The following RHD variants were observed in gnomAD, a reference collection of about 807,000 sequenced individuals.
The protein encoded by RHD is Rh blood group D antigen.
Under a neutral mutation model 45.5 loss-of-function variants are expected in RHD, and 16 were observed. The ratio of observed to expected loss-of-function variants is 0.35; its 90% confidence interval spans 0.24 to 0.53. The LOEUF is 0.53. Among genes scored for constraint, RHD ranks in the 20% least tolerant of loss-of-function variants. The pLI is 0.92. For missense variants in RHD, 306 were observed against 532.0 expected, an observed-to-expected ratio of 0.58 and a Z score of 4.18; for synonymous variants, 131 against 217.5, an observed-to-expected ratio of 0.60 and a Z score of 3.50.
In RHD at chr1:25,301,948, T is replaced by C. The variant is rs1389917672; in HGVS notation, c.801+262T>C. ...ATGCTAACATGAAACAGACCTCAGTTTGAACCCCATTTCTGCTAGTTGCTA... is the reference window on the plus strand; with the variant it reads ...ATGCTAACATGAAACAGACCTCAGTCTGAACCCCATTTCTGCTAGTTGCTA... On this transcript the variant is annotated intron_variant, in intron 5 of 9. Transcript: ENST00000328664. Among the ~76,000 whole-genome samples the C allele has an allele frequency of 2.3e-5, 3 of 130,374 alleles. 1 individual carries two copies. The highest frequency in any genetic ancestry group is 5.5e-5 in the Non-Finnish European group (3 of 54,854). The allele number at this position is 130,374 out of a possible 152,430, so 85.5% of individuals were successfully genotyped here.
At chr1:25,300,575 C>A (rs2986167) in intron 3 of RHD, among the ~76,000 whole-genome samples, 3 of 127,294 alleles carry the variant, frequency 2.4e-5, no homozygotes, top group Admixed American at 1.5e-4. Context: ...TTTGGGAGGC[C>A]GAGGCGGGTG....
chr1:25,279,004 T>C lies in RHD; in HGVS notation c.149-5569T>C, dbSNP rs931092912. On this transcript the variant is annotated intron_variant, in intron 1 of 9. Coordinates refer to ENST00000328664, the MANE Select transcript of RHD (RefSeq NM_016124.6). Reference sequence around the variant, plus strand: ...GAAGCTGGGTGTGACTTCAGAGCTGTTGGTGCTGAAGTTTCTGCAGGCCAG... The same window carrying C: ...GAAGCTGGGTGTGACTTCAGAGCTGCTGGTGCTGAAGTTTCTGCAGGCCAG... Among the ~76,000 whole-genome samples the C allele has an allele frequency of 3.1e-5, 4 of 129,272 alleles. 1 individual carries two copies. The highest frequency in any genetic ancestry group is 3.0e-4 in the Admixed American group (4 of 13,346). 84.8% of individuals were successfully genotyped at this position (129,272 alleles called of 152,430 possible). A position where few individuals can be genotyped will look rare whatever the true frequency, so the allele number is the denominator to read the frequency against.
At position 25,294,326 on chromosome 1, in the gene RHD, G is replaced by A. The variant is rs1458459748; in HGVS notation, c.486+3535G>A. On this transcript the variant is annotated intron_variant, in intron 3 of 9. Transcript: ENST00000328664. ...CATAATCAGTAACAACTTGTCCAAG[G>A]CCCCAGTGACCATGAAGAGTGAGGG... 9.5e-6 allele frequency: 11 copies of A among 1,161,210 alleles called. 4 individuals carry two copies. Among genetic ancestry groups the A allele is most frequent in the Admixed American group, 3.6e-5 (2 of 55,610 alleles). 71.9% of individuals were successfully genotyped at this position (1,161,210 alleles called of 1,614,324 possible).
In RHD at chr1:25,300,789, G is replaced by A. The variant is rs141043452; in HGVS notation, c.487-157G>A. 3.8e-4 allele frequency among the ~76,000 whole-genome samples: 50 copies of A among 132,280 alleles called. 13 individuals carry two copies. Among genetic ancestry groups the A allele is most frequent in the Non-Finnish European group, 7.0e-4 (39 of 55,844 alleles). The allele number at this position is 132,280 out of a possible 152,430, so 86.8% of individuals were successfully genotyped here. A position where few individuals can be genotyped will look rare whatever the true frequency, so the allele number is the denominator to read the frequency against. On this transcript the variant is annotated intron_variant, in intron 3 of 9. Coordinates refer to ENST00000328664, the MANE Select transcript of RHD (RefSeq NM_016124.6). ...GTGCCATTGCACTCCAGCCTGGGCA[G>A]AGCCTGCTGGGTTGGGCTGGGTAAG... is the stretch of plus-strand genomic sequence containing the variant.
At position 25,320,755 on chromosome 1, in the gene RHD, A is replaced by G. The variant is rs1644654178; in HGVS notation, c.1154-1134A>G. On this transcript the variant is annotated intron_variant, in intron 8 of 9. Coordinates refer to ENST00000328664, the MANE Select transcript of RHD (RefSeq NM_016124.6). ...TATCTGGGCAGAGAGTAGACAGGGA[A>G]TGGAGGTTGGGCACAGTGGCTCACA... Among the ~76,000 whole-genome samples the G allele has an allele frequency of 2.3e-5, 3 of 132,016 alleles. 1 individual carries two copies. Among genetic ancestry groups the G allele is most frequent in the Non-Finnish European group, 5.4e-5 (3 of 55,738 alleles). The allele number at this position is 132,016 out of a possible 152,430, so 86.6% of individuals were successfully genotyped here.
chr1:25,275,044 CTT>C (rs1640833261), intron 1 of RHD, among the ~76,000 whole-genome samples: 1 of 131,796 alleles, frequency 7.6e-6, no homozygotes, highest in African/African-American at 2.6e-5. Flanking sequence ...ATCCCAAACA[CTT>C]TGGGAGACCA....
At position 25,306,579 on chromosome 1, in the gene RHD, A is replaced by G. The variant is rs1486281573; in HGVS notation, c.940-17A>G. The G allele has an allele frequency of 1.5e-6, 2 of 1,376,854 alleles. No individual in the cohort carries two copies. Among genetic ancestry groups the G allele is most frequent in the Admixed American group, 1.8e-5 (1 of 56,180 alleles). The allele number at this position is 1,376,854 out of a possible 1,614,324, so 85.3% of individuals were successfully genotyped here. A position where few individuals can be genotyped will look rare whatever the true frequency, so the allele number is the denominator to read the frequency against. On this transcript the variant is annotated splice_polypyrimidine_tract_variant and intron_variant, in intron 6 of 9. Coordinates refer to ENST00000328664, the MANE Select transcript of RHD (RefSeq NM_016124.6). ...GGTCTCACCTGCCAATCTGCTTATAATAACACTTGTCCACAGGGGTGTTGT... is the reference window on the plus strand; with the variant it reads ...GGTCTCACCTGCCAATCTGCTTATAGTAACACTTGTCCACAGGGGTGTTGT...
chr1:25,320,118 G>C (rs1245282935), intron 8 of RHD, among the ~76,000 whole-genome samples: 1 of 130,794 alleles, frequency 7.6e-6, no homozygotes, highest in African/African-American at 2.6e-5. Context: ...TGCTGGTCTC[G>C]AACTCCTGAC....
chr1:25,295,896 G>A (rs1236571491), intron 3 of RHD, among the ~76,000 whole-genome samples: 1 of 90,212 alleles, frequency 1.1e-5, no homozygotes, highest in Non-Finnish European at 2.3e-5. Context: ...GAGTTTCGCT[G>A]TTGTCATCCA....
rs1641187277 is a variant in RHD at position 25,278,233 on chromosome 1, G to C, written c.148+5538G>C. 1.5e-5 allele frequency among the ~76,000 whole-genome samples: 2 copies of C among 129,950 alleles called. 1 individual carries two copies. Among genetic ancestry groups the C allele is most frequent in the South Asian group, 4.8e-4 (2 of 4,164 alleles). 85.3% of individuals were successfully genotyped at this position (129,950 alleles called of 152,430 possible). A position where few individuals can be genotyped will look rare whatever the true frequency, so the allele number is the denominator to read the frequency against. On this transcript the variant is annotated intron_variant, in intron 1 of 9. Coordinates refer to ENST00000328664, the MANE Select transcript of RHD (RefSeq NM_016124.6). ...AAGGCTGGCTGCAGATGTATGATTTGGCATAGAGAGGTGCCAGTTCCTGAG... is the reference window on the plus strand; with the variant it reads ...AAGGCTGGCTGCAGATGTATGATTTCGCATAGAGAGGTGCCAGTTCCTGAG...
rs1643649151 is a variant in RHD at position 25,304,566 on chromosome 1, C to T, written c.939+1107C>T. ...TGAGCTGAAATCGTGCCATGGCACT[C>T]CAGCCTGGGCGACAGAACAAGACTC... On this transcript the variant is annotated intron_variant, in intron 6 of 9. Coordinates refer to ENST00000328664, the MANE Select transcript of RHD (RefSeq NM_016124.6). 2 of 127,604 alleles carry T rather than the reference C, an allele frequency of 1.6e-5. 1 individual carries two copies. The highest frequency in any genetic ancestry group is 1.5e-4 in the Admixed American group (2 of 13,180). 7.9% of individuals were successfully genotyped at this position (127,604 alleles called of 1,614,324 possible). A position where few individuals can be genotyped will look rare whatever the true frequency, so the allele number is the denominator to read the frequency against.
rs1335794986 is a variant in RHD at position 25,300,649 on chromosome 1, A to C, written c.487-297A>C. 3.0e-5 allele frequency among the ~76,000 whole-genome samples: 4 copies of C among 131,308 alleles called. 1 individual carries two copies. The highest frequency in any genetic ancestry group is 7.2e-5 in the Non-Finnish European group (4 of 55,622). The allele number at this position is 131,308 out of a possible 152,430, so 86.1% of individuals were successfully genotyped here. On this transcript the variant is annotated intron_variant, in intron 3 of 9. Coordinates refer to ENST00000328664, the MANE Select transcript of RHD (RefSeq NM_016124.6). ...ACACGGTGAAACCCCATCTCTACTA[A>C]AAATACAAAATTAGCCCAGCGTAGT...
chr1:25,276,531 C>CAAAAAAAAAAAAAAAAAA (rs1640993917), intron 1 of RHD, among the ~76,000 whole-genome samples: 1 of 13,756 alleles, frequency 7.3e-5, no homozygotes, highest in African/African-American at 2.0e-4. Context: ...CCCCCCATCT[C>CAAAAAAAAAAAAAAAAAA]TAAAAAAAAA....
At chr1:25,318,125 C>A (rs370955452) in intron 8 of RHD, 1 of 130,072 alleles carries the variant, frequency 7.7e-6, no homozygotes, top group East Asian at 2.0e-4. Context: ...GATTCAAGAC[C>A]AGCATGGCCA....
intron 7 of RHD, among the ~76,000 whole-genome samples, chr1:25,312,948 A>AAAAAAAAAAAAC (rs1557556998): frequency 9.0e-6 from 1 of 110,594 alleles, no homozygotes; most frequent in Non-Finnish European, 2.2e-5. Flanking sequence ...AAAAAAAAAA[A>AAAAAAAAAAAAC]AAAAAAACTT....
chr1:25,311,873 G>A lies in RHD; in HGVS notation c.1074-5127G>A, dbSNP rs1242235509. ...TGTGCAGAATGCAAAAGCTGAGGGG[G>A]CATGCCTTCTTCCACCTACATTTCA... On this transcript the variant is annotated intron_variant, in intron 7 of 9. Coordinates refer to ENST00000328664, the MANE Select transcript of RHD (RefSeq NM_016124.6). Among the ~76,000 whole-genome samples, 3 of 131,364 alleles carry A rather than the reference G, an allele frequency of 2.3e-5. 1 individual carries two copies. The highest frequency in any genetic ancestry group is 5.4e-5 in the Non-Finnish European group (3 of 55,922). The allele number at this position is 131,364 out of a possible 152,430, so 86.2% of individuals were successfully genotyped here. A position where few individuals can be genotyped will look rare whatever the true frequency, so the allele number is the denominator to read the frequency against.
intron 2 of RHD, among the ~76,000 whole-genome samples, chr1:25,287,352 A>G (rs993411202): frequency 7.4e-6 from 1 of 135,176 alleles, no homozygotes; most frequent in Non-Finnish European, 1.8e-5. Context: ...TCTTGACTCA[A>G]TCTAGAAAGA....
chr1:25,283,153 TA>T lies in RHD; in HGVS notation c.149-1419del. 1.5e-5 allele frequency among the ~76,000 whole-genome samples: 2 copies of T among 132,330 alleles called. 1 individual carries two copies. Among genetic ancestry groups the T allele is most frequent in the South Asian group, 4.6e-4 (2 of 4,344 alleles). 86.8% of individuals were successfully genotyped at this position (132,330 alleles called of 152,430 possible). A position where few individuals can be genotyped will look rare whatever the true frequency, so the allele number is the denominator to read the frequency against. ...AATGAAGGAGTATGATCATTTCCCC[TA>T]TTTAACAGACAAGAACAAGAAGAGG... On this transcript the variant is annotated intron_variant, in intron 1 of 9. Coordinates refer to ENST00000328664, the MANE Select transcript of RHD (RefSeq NM_016124.6).
In RHD at chr1:25,329,262, T is replaced by A; in HGVS notation, c.*338T>A. On this transcript the variant is annotated 3_prime_UTR_variant, in exon 10 of 10. Transcript: ENST00000328664. ...GTTTTTTTTTTTTTTTTTTTTTTTT[T>A]GAGATGTAGTCTTACTCTGTCACCC... 1.7e-6 allele frequency: 1 copy of A among 576,116 alleles called. No individual in the cohort carries two copies. The highest frequency in any genetic ancestry group is 2.9e-6 in the Non-Finnish European group (1 of 347,128). 35.7% of individuals were successfully genotyped at this position (576,116 alleles called of 1,614,324 possible).
Sources: gnomAD v4.1 joint callset for allele counts (sites outside exome capture counted in the v4.1 genomes callset) on GRCh38, gnomAD v4.1.1 for gene constraint, MANE v1.5 for transcripts, NCBI Gene and HGNC (gene_info 2026-07-23, HGNC 2026-07-21) for gene names.